Variants in JPT1 observed in about 807,000 individuals in gnomAD.
The protein encoded by JPT1 is Jupiter microtubule associated homolog 1.
JPT1 carries 5 observed loss-of-function variants against 17.0 expected under a neutral mutation model. The ratio of observed to expected loss-of-function variants is 0.29; its 90% confidence interval spans 0.15 to 0.62. The LOEUF is 0.62. JPT1 is among the 20% of genes least tolerant of loss of function. The pLI, the probability that JPT1 is intolerant of heterozygous loss-of-function variation, is 0.85. For synonymous variants in JPT1, 71 were observed against 73.6 expected, an observed-to-expected ratio of 0.96 and a Z score of 0.18; for missense variants, 158 against 188.1, an observed-to-expected ratio of 0.84 and a Z score of 0.94.
At chr17:75,149,235 G>C (rs1166203491) in intron 1 of JPT1, 1 of 383,526 alleles carries the variant, frequency 2.6e-6, no homozygotes, top group Non-Finnish European at 5.1e-6. Context: ...GCATGCCTGT[G>C]GTCCCAGCTA....
Position 75,136,348 on chromosome 17 carries a change from G to A in JPT1, c.317-98C>T, listed in dbSNP as rs920626905. 8 of 1,247,378 alleles carry A rather than the reference G, an allele frequency of 6.4e-6. No individual in the cohort carries two copies. The African/African-American group carries it at 7.5e-5, about 12-fold the overall frequency. The allele number at this position is 1,247,378 out of a possible 1,614,324, so 77.3% of individuals were successfully genotyped here. A position where few individuals can be genotyped will look rare whatever the true frequency, so the allele number is the denominator to read the frequency against. Reference sequence around the variant, plus strand: ...CTTTTTCTTTTTTTTTTGGTTTGATGGTTGGAAACATACCTAAAAGCATAA... The same window carrying A: ...CTTTTTCTTTTTTTTTTGGTTTGATAGTTGGAAACATACCTAAAAGCATAA... On this transcript the variant is annotated intron_variant, in intron 4 of 4. Transcript: ENST00000409753.
intron 1 of JPT1, among the ~76,000 whole-genome samples, chr17:75,151,052 C>T (rs1036744029): frequency 6.6e-6 from 1 of 151,670 alleles, no homozygotes; most frequent in Non-Finnish European, 1.5e-5. Context: ...CGGGGTTTCA[C>T]CGTGTTAGCC....
At chr17:75,147,705 C>T (rs778178267) in intron 2 of JPT1, 52 bp from the exon 3 acceptor site, 18 of 1,448,288 alleles carry the variant, frequency 1.2e-5, no homozygotes, top group Non-Finnish European at 2.9e-6. Context: ...AAACCTAAAG[C>T]AAAACACTTC....
At chr17:75,142,677 GGAAGGGATGA>G in intron 4 of JPT1, 1 of 387,120 alleles carries the variant, frequency 2.6e-6, no homozygotes, top group Non-Finnish European at 5.1e-6. Context: ...GAAGGGAACG[GGAAGGGATGA>G]GAAGGGAGGG....
chr17:75,150,015 G>A (rs2145193117), intron 1 of JPT1, among the ~76,000 whole-genome samples: 1 of 152,290 alleles, frequency 6.6e-6, no homozygotes, highest in South Asian at 2.1e-4. Flanking sequence ...AACTACCCAT[G>A]AGGGCAAAGT....
In JPT1 at chr17:75,154,441, A is replaced by G; in HGVS notation, c.-44T>C. The G allele has an allele frequency of 6.5e-7, 1 of 1,532,960 alleles. No homozygotes were observed. The highest frequency in any genetic ancestry group is 1.2e-5 in the South Asian group (1 of 83,226). The allele number at this position is 1,532,960 out of a possible 1,614,324, so 95.0% of individuals were successfully genotyped here. ...AGGCTGGCGCCGGAGCAGAACGCTC[A>G]AAGGGTCGGACCCGAGGGGCGCTGG... is the stretch of plus-strand genomic sequence containing the variant. On this transcript the variant is annotated 5_prime_UTR_variant, in exon 1 of 5. Transcript: ENST00000409753.
intron 4 of JPT1, chr17:75,142,651 TGGAGGGAAGG>T: frequency 5.9e-6 from 1 of 168,524 alleles, no homozygotes; most frequent in South Asian, 3.1e-5. Flanking sequence ...GAGGGGGGGA[TGGAGGGAAGG>T]GGGAGGAAGG....
chr17:75,140,102 G>C (rs1473290413), intron 4 of JPT1, among the ~76,000 whole-genome samples: 3 of 151,942 alleles, frequency 2.0e-5, no homozygotes, highest in Non-Finnish European at 4.4e-5. Flanking sequence ...ATTTTTAGTA[G>C]AGACGGGCTT....
intron 2 of JPT1, 35 bp from the exon 3 acceptor site, chr17:75,147,688 A>G: frequency 6.4e-7 from 1 of 1,555,400 alleles, no homozygotes; most frequent in African/African-American, 1.4e-5. Flanking sequence ...CAGAAATACA[A>G]TAGAAAAAAC....
chr17:75,136,362 C>G, intron 4 of JPT1, 112 bp from the exon 5 acceptor site: 3 of 1,046,612 alleles, frequency 2.9e-6, no homozygotes, highest in Non-Finnish European at 4.1e-6. Context: ...GGAAACATAC[C>G]TAAAAGCATA....
chr17:75,153,649 CTT>C (rs2074587975), intron 1 of JPT1: 1 of 152,010 alleles, frequency 6.6e-6, no homozygotes, highest in Non-Finnish European at 1.5e-5. Flanking sequence ...GGGGTCTTTC[CTT>C]TGTTAGGAAG....
intron 4 of JPT1, among the ~76,000 whole-genome samples, chr17:75,137,617 T>A (rs2074228105): frequency 6.9e-6 from 1 of 145,912 alleles, no homozygotes; most frequent in South Asian, 2.3e-4. Context: ...GATCCTCCCA[T>A]CTCACCCTCC....
chr17:75,135,933 C>T lies in JPT1; in HGVS notation c.*169G>A, dbSNP rs1031243917. 116 of 1,463,400 alleles carry T rather than the reference C, an allele frequency of 7.9e-5. 1 individual carries two copies. Among genetic ancestry groups the T allele is most frequent in the Non-Finnish European group, 9.8e-5 (106 of 1,080,074 alleles). 90.7% of individuals were successfully genotyped at this position (1,463,400 alleles called of 1,614,324 possible). A position where few individuals can be genotyped will look rare whatever the true frequency, so the allele number is the denominator to read the frequency against. On this transcript the variant is annotated 3_prime_UTR_variant, in exon 5 of 5. Coordinates refer to ENST00000409753, the MANE Select transcript of JPT1 (RefSeq NM_016185.4). ...TGCCATGGCCCACAGACCCAAGAGT[C>T]AAGGACAGAGAGAAACCTGTTCTTC...
At chr17:75,141,701 GA>G (rs869054884) in intron 4 of JPT1, among the ~76,000 whole-genome samples, 3 of 151,884 alleles carry the variant, frequency 2.0e-5, no homozygotes, top group African/African-American at 7.3e-5. Flanking sequence ...CCACTGGGGG[GA>G]AAAAGAAAGG....
chr17:75,144,733 G>A (rs992098634), intron 4 of JPT1, among the ~76,000 whole-genome samples: 4 of 152,068 alleles, frequency 2.6e-5, no homozygotes, highest in Admixed American at 6.6e-5. Flanking sequence ...TCAACCTGCT[G>A]AATCTGAGGT....
At chr17:75,148,980 T>G in intron 1 of JPT1, 1 of 1,263,448 alleles carries the variant, frequency 7.9e-7, no homozygotes, top group Non-Finnish European at 1.0e-6. Context: ...TGGCAAAAGA[T>G]CTAATGGACC....
Position 75,148,685 on chromosome 17 carries a change from C to G in JPT1, c.57-14G>C. The G allele has an allele frequency of 6.2e-7, 1 of 1,613,248 alleles. No homozygotes were observed. The highest frequency in any genetic ancestry group is 8.5e-7 in the Non-Finnish European group (1 of 1,179,720). ...GGCCGCAAAACTCTGCAAATAATGG[C>G]AAAACATCAACTTCAGATCATACTG... On this transcript the variant is annotated splice_polypyrimidine_tract_variant and intron_variant, in intron 1 of 4. Transcript: ENST00000409753.
intron 2 of JPT1, 63 bp downstream of exon 2, chr17:75,148,466 G>T: frequency 1.3e-6 from 2 of 1,574,528 alleles, no homozygotes; most frequent in Non-Finnish European, 1.7e-6. Context: ...TGCCCAAGCT[G>T]CATCTGTGGC....
intron 4 of JPT1, among the ~76,000 whole-genome samples, chr17:75,141,958 A>G (rs1243028327): frequency 1.3e-5 from 2 of 151,622 alleles, no homozygotes; most frequent in Admixed American, 1.3e-4. Flanking sequence ...AGTCCCAGAT[A>G]CTCAGGAGGC....
Sources: allele counts gnomAD v4.1 joint callset (sites outside exome capture counted in the v4.1 genomes callset), GRCh38; gene constraint gnomAD v4.1.1; transcripts MANE v1.5; gene names NCBI Gene and HGNC (gene_info 2026-07-23, HGNC 2026-07-21).